Variants in PAK1 observed in about 807,000 individuals in gnomAD.
The protein encoded by PAK1 is p21 (RAC1) activated kinase 1, also known as serine/threonine-protein kinase PAK 1.
In PAK1, 29 loss-of-function variants were observed where a neutral mutation model predicts 67.4. The ratio of observed to expected loss-of-function variants is 0.43; its 90% CI spans 0.32 to 0.59. PAK1 has a LOEUF of 0.59. Ranked by LOEUF, PAK1 falls within the 20% of genes least tolerant of loss-of-function variation. The pLI, the probability that PAK1 is intolerant of heterozygous loss-of-function variation, is 0.07. For synonymous variants in PAK1, 223 were observed against 237.4 expected (o/e 0.94, Z 0.56); for missense variants, 337 against 670.7 (o/e 0.50, Z 5.50).
chr11:77,474,340 A>T (rs1356135871), upstream of PAK1: 2 of 152,000 alleles, frequency 1.3e-5, no homozygotes, highest in Non-Finnish European at 2.9e-5. Flanking sequence ...ATGAGGGCGA[A>T]CGCCTGGGAT....
rs1291637236 is a variant in PAK1 at position 77,340,906 on chromosome 11, A to G, written c.999-143T>C. 1.4e-5 allele frequency: 9 copies of G among 649,806 alleles called. No homozygotes were observed. The African/African-American group carries it at 1.6e-4, about 12-fold the overall frequency. 40.3% of individuals were successfully genotyped at this position (649,806 alleles called of 1,614,324 possible). On this transcript the variant is annotated intron_variant, in intron 10 of 14. Transcript: ENST00000356341. ...GTAAAAGGTTCTTTACTTTGGGGAA[A>G]AGCAGAATCTGGGGAACAGAATCAC...
In PAK1 at chr11:77,332,766, A is replaced by G; in HGVS notation, c.1515T>C (p.Asp505=). ...RDFLNRCLEM[D]VEKRGSAKEL... is the part of the protein sequence containing the mutation. ...CTTTAGCTGAACCTCTCTTCTCCACATCCATCTCGAGACAGCGGTTCAGAA... is the reference window on the plus strand; with the variant it reads ...CTTTAGCTGAACCTCTCTTCTCCACGTCCATCTCGAGACAGCGGTTCAGAA... Residue 505 remains aspartate, a synonymous_variant, in exon 14 of 15, where the codon GAT becomes GAC. Coordinates refer to ENST00000356341, the MANE Select transcript of PAK1 (RefSeq NM_002576.5). 6.2e-7 allele frequency: 1 copy of G among 1,613,824 alleles called. No homozygotes were observed. The highest frequency in any genetic ancestry group is 8.5e-7 in the Non-Finnish European group (1 of 1,179,734).
At chr11:77,433,317 A>C (rs1955948680) in intron 1 of PAK1, among the ~76,000 whole-genome samples, 1 of 152,220 alleles carries the variant, frequency 6.6e-6, no homozygotes, top group Non-Finnish European at 1.5e-5. Flanking sequence ...AGCAAACAAC[A>C]AAAGAAGAAC....
intron 1 of PAK1, among the ~76,000 whole-genome samples, chr11:77,467,924 T>C (rs1433988396): frequency 1.3e-5 from 2 of 152,124 alleles, no homozygotes; most frequent in African/African-American, 4.8e-5. Context: ...GTTCCACCAG[T>C]GAGGAAGACA....
At chr11:77,420,436 CACTG>C (rs1191639951) in intron 1 of PAK1, among the ~76,000 whole-genome samples, 1 of 152,206 alleles carries the variant, frequency 6.6e-6, no homozygotes, top group Non-Finnish European at 1.5e-5. Flanking sequence ...AAAGCTGTGC[CACTG>C]ACTGTCAGAC....
chr11:77,502,470 T>C, the PAK1 span, among the ~76,000 whole-genome samples: 1 of 152,248 alleles, frequency 6.6e-6, no homozygotes, highest in Admixed American at 6.5e-5. Context: ...CTTTCATCAT[T>C]TCCTTAGGAT....
intron 7 of PAK1, among the ~76,000 whole-genome samples, chr11:77,355,412 A>G (rs989310620): frequency 6.6e-6 from 1 of 152,106 alleles, no homozygotes; most frequent in African/African-American, 2.4e-5. Context: ...GCTATAATAC[A>G]TGCCTAGGGG....
chr11:77,351,307 TAAA>T (rs755545914), intron 8 of PAK1, among the ~76,000 whole-genome samples: 1 of 128,804 alleles, frequency 7.8e-6, no homozygotes. Context: ...TATCAGTAAC[TAAA>T]AAAAAAAAAA....
At chr11:77,423,402 T>TACACAC (rs5792767) in intron 1 of PAK1, among the ~76,000 whole-genome samples, 2,794 of 136,966 alleles carry the variant, frequency 0.02, 37 homozygotes, top group African/African-American at 0.032. Flanking sequence ...TGCTTTCAAA[T>TACACAC]ACACACACAC....
At chr11:77,455,502 G>A (rs1433425805) in intron 1 of PAK1, among the ~76,000 whole-genome samples, 1 of 152,192 alleles carries the variant, frequency 6.6e-6, no homozygotes, top group Non-Finnish European at 1.5e-5. Context: ...ACAGGTTCCT[G>A]ATTCTGGCAA....
chr11:77,446,958 C>T (rs1203578737), intron 1 of PAK1, among the ~76,000 whole-genome samples: 1 of 151,720 alleles, frequency 6.6e-6, no homozygotes. Flanking sequence ...TGCATAGTCC[C>T]TGAGCAGCAA....
At chr11:77,379,014 T>A (rs548086015) in intron 4 of PAK1, among the ~76,000 whole-genome samples, 2 of 152,330 alleles carry the variant, frequency 1.3e-5, no homozygotes, top group South Asian at 4.1e-4. Flanking sequence ...TCTCTCTATA[T>A]AATACCATGC....
intron 1 of PAK1, among the ~76,000 whole-genome samples, chr11:77,414,367 A>G (rs1297152917): frequency 6.6e-6 from 1 of 152,256 alleles, no homozygotes; most frequent in Non-Finnish European, 1.5e-5. Flanking sequence ...GTCCACCAGA[A>G]TAACTTGGAA....
rs150610975 is a variant in PAK1 at position 77,458,362 on chromosome 11, A to G, written c.-22+15190T>C. On this transcript the variant is annotated intron_variant, in intron 1 of 14. Coordinates refer to ENST00000356341, the MANE Select transcript of PAK1 (RefSeq NM_002576.5). Reference sequence around the variant, plus strand: ...ATAAAAATATTCAAGAGCTTCATCAATTTTTCCCAAGGGTCTCTTTTAATC... The same window carrying G: ...ATAAAAATATTCAAGAGCTTCATCAGTTTTTCCCAAGGGTCTCTTTTAATC... Among the ~76,000 whole-genome samples, 18 of 152,288 alleles carry G rather than the reference A, an allele frequency of 1.2e-4. No homozygotes were observed. The East Asian group carries it at 2.9e-3, about 24-fold the overall frequency.
chr11:77,416,617 A>G (rs1394279085), intron 1 of PAK1, among the ~76,000 whole-genome samples: 2 of 152,198 alleles, frequency 1.3e-5, no homozygotes, highest in Non-Finnish European at 2.9e-5. Context: ...AAATATATAA[A>G]CCAGTAACAG....
the PAK1 span, among the ~76,000 whole-genome samples, chr11:77,528,289 C>T: frequency 0.18 from 27,749 of 151,824 alleles, 3,075 homozygotes; most frequent in Non-Finnish European, 0.25. Flanking sequence ...ATCTAATATC[C>T]AATCCACGTA....
the PAK1 span, among the ~76,000 whole-genome samples, chr11:77,503,454 T>A: frequency 2.0e-5 from 3 of 152,244 alleles, no homozygotes; most frequent in Non-Finnish European, 4.4e-5. Context: ...GTTCTCAAAC[T>A]GTTTGGTCTC....
At chr11:77,436,545 C>T (rs1956138356) in intron 1 of PAK1, among the ~76,000 whole-genome samples, 1 of 152,222 alleles carries the variant, frequency 6.6e-6, no homozygotes. Context: ...AAAGTGACTA[C>T]TGCATGCAAG....
chr11:77,377,548 A>G (rs575156158), intron 4 of PAK1, among the ~76,000 whole-genome samples: 2 of 152,358 alleles, frequency 1.3e-5, no homozygotes, highest in Admixed American at 1.3e-4. Context: ...GAACATACAC[A>G]TAATTACCTG....
Sources: gnomAD v4.1 joint callset for allele counts (sites outside exome capture counted in the v4.1 genomes callset) on GRCh38, gnomAD v4.1.1 for gene constraint, MANE v1.5 for transcripts, NCBI Gene and HGNC (gene_info 2026-07-23, HGNC 2026-07-21) for gene names.